CERS3: variants seen among roughly 807,000 people sequenced by gnomAD.
CERS3 encodes the protein ceramide synthase 3.
In CERS3, 33 loss-of-function variants were observed where a neutral mutation model predicts 50.3. The observed-to-expected ratio is 0.66, with a 90% CI of 0.50 to 0.88. CERS3 has a LOEUF of 0.88. CERS3 is among the 40% of genes least tolerant of loss of function. CERS3 has a pLI of 0.00. For synonymous variants in CERS3, 176 were observed against 155.2 expected (o/e 1.13, Z -0.99); for missense variants, 470 against 460.3 (o/e 1.02, Z -0.19).
intron 11 of CERS3, among the ~76,000 whole-genome samples, chr15:100,412,700 T>C (rs1436382035): frequency 6.6e-6 from 1 of 152,166 alleles, no homozygotes; most frequent in Non-Finnish European, 1.5e-5. Flanking sequence ...GACACAAAAG[T>C]TGCTTTTTAT....
At chr15:100,483,811 TGC>T in intron 5 of CERS3, among the ~76,000 whole-genome samples, 1 of 100,038 alleles carries the variant, frequency 1.0e-5, no homozygotes, top group African/African-American at 3.4e-5. Context: ...GACAGAGTCT[TGC>T]TCTGTCACCC....
chr15:100,527,404 C>T (rs559234329), intron 1 of CERS3, among the ~76,000 whole-genome samples: 1 of 152,136 alleles, frequency 6.6e-6, no homozygotes, highest in Admixed American at 6.5e-5. Context: ...CTGTCCACCA[C>T]ACCAAGCCTT....
At chr15:100,481,992 G>C (rs556921607) in intron 5 of CERS3, among the ~76,000 whole-genome samples, 1 of 152,308 alleles carries the variant, frequency 6.6e-6, no homozygotes, top group South Asian at 2.1e-4. Context: ...CGCTTGTGTA[G>C]TCTCCTGTTT....
chr15:100,435,902 T>G (rs1301264674), intron 11 of CERS3, among the ~76,000 whole-genome samples: 1 of 152,148 alleles, frequency 6.6e-6, no homozygotes, highest in Non-Finnish European at 1.5e-5. Context: ...ATGAGAGAAA[T>G]GCAAATCAAA....
At chr15:100,475,979 T>C (rs1411133798) in intron 8 of CERS3, 107 bp downstream of exon 8, 1 of 631,760 alleles carries the variant, frequency 1.6e-6, no homozygotes, top group Non-Finnish European at 2.6e-6. Context: ...AGCAATGAAC[T>C]GGACCCAAAA....
chr15:100,469,333 C>A, intron 10 of CERS3, 45 bp downstream of exon 10: 1 of 1,486,038 alleles, frequency 6.7e-7, no homozygotes. Context: ...CTGAGGCCAC[C>A]TCTGCACACT....
In CERS3 at chr15:100,505,825, T is replaced by C. The variant is rs560383529; in HGVS notation, c.-1-3975A>G. On this transcript the variant is annotated intron_variant, in intron 2 of 11. Transcript: ENST00000679737. ...GAATTCAAGACCAGCTTGGACAACA[T>C]AGTGAGATCCCATCTCTACAAAAAA... Among the ~76,000 whole-genome samples the C allele has an allele frequency of 2.1e-3, 316 of 152,260 alleles. 3 individuals carry two copies. Among genetic ancestry groups the C allele is most frequent in the African/African-American group, 7.1e-3 (293 of 41,548 alleles).
At chr15:100,403,406 G>A (rs189992185) in intron 11 of CERS3, among the ~76,000 whole-genome samples, 42 of 151,820 alleles carry the variant, frequency 2.8e-4, no homozygotes, top group African/African-American at 9.2e-4. Flanking sequence ...GAAATAATTA[G>A]GACAAAACAA....
intron 2 of CERS3, among the ~76,000 whole-genome samples, chr15:100,519,029 C>T (rs1308683973): frequency 3.3e-5 from 5 of 151,926 alleles, no homozygotes; most frequent in East Asian, 1.9e-4. Context: ...CGTGGTGGTG[C>T]GCATCTGTGA....
intron 3 of CERS3, among the ~76,000 whole-genome samples, chr15:100,499,579 A>G (rs2035936290): frequency 6.6e-6 from 1 of 152,262 alleles, no homozygotes; most frequent in Admixed American, 6.5e-5. Flanking sequence ...ATAATGAACC[A>G]GCCAAATCAC....
chr15:100,467,836 T>C lies in CERS3; in HGVS notation c.845+1542A>G, dbSNP rs1314090956. 1.8e-4 allele frequency among the ~76,000 whole-genome samples: 5 copies of C among 28,184 alleles called. 1 individual carries two copies. The highest frequency in any genetic ancestry group is 1.3e-3 in the South Asian group (1 of 760). 18.5% of individuals were successfully genotyped at this position (28,184 alleles called of 152,430 possible). ...CTATATATATGTGTATATATATACGTGTATATATATATATATAGATAGATA... is the reference window on the plus strand; with the variant it reads ...CTATATATATGTGTATATATATACGCGTATATATATATATATAGATAGATA... On this transcript the variant is annotated intron_variant, in intron 10 of 11. Coordinates refer to ENST00000679737, the MANE Select transcript of CERS3 (RefSeq NM_001378789.1).
intron 11 of CERS3, chr15:100,437,789 G>A (rs569173699): frequency 3.3e-5 from 5 of 152,194 alleles, no homozygotes; most frequent in East Asian, 1.9e-4. Context: ...TGAAGAAACC[G>A]AGGCAATGAA....
intron 11 of CERS3, among the ~76,000 whole-genome samples, chr15:100,427,236 C>T (rs1012486595): frequency 3.9e-5 from 6 of 152,034 alleles, no homozygotes; most frequent in African/African-American, 1.4e-4. Context: ...TCCTGCTGGA[C>T]AGCGCTGCAT....
chr15:100,525,461 C>A (rs1407618666), intron 1 of CERS3, among the ~76,000 whole-genome samples: 1 of 152,170 alleles, frequency 6.6e-6, no homozygotes, highest in Admixed American at 6.5e-5. Flanking sequence ...CAAGCCAAAT[C>A]TCCTTCTTAT....
At chr15:100,427,010 A>G (rs1413665002) in intron 11 of CERS3, among the ~76,000 whole-genome samples, 1 of 152,116 alleles carries the variant, frequency 6.6e-6, no homozygotes, top group Non-Finnish European at 1.5e-5. Context: ...TCCAAGCTAT[A>G]TCAGATCTCT....
intron 11 of CERS3, among the ~76,000 whole-genome samples, chr15:100,432,977 C>A (rs988290387): frequency 3.9e-5 from 6 of 152,236 alleles, no homozygotes; most frequent in African/African-American, 1.4e-4. Context: ...TGGCTCACAC[C>A]TGTAATCCCA....
chr15:100,542,567 T>A (rs972649819), intron 1 of CERS3, among the ~76,000 whole-genome samples: 2 of 152,154 alleles, frequency 1.3e-5, no homozygotes, highest in African/African-American at 4.8e-5. Context: ...AAAGTAAATA[T>A]AAAACATGGA....
Position 100,476,128 on chromosome 15 carries a change from A to G in CERS3, c.567T>C (p.Tyr189=), listed in dbSNP as rs2035119200. The change falls in exon 8 of 12, where the codon TAT becomes TAC. Residue 189 remains tyrosine (Y), a synonymous_variant. Coordinates refer to ENST00000679737, the MANE Select transcript of CERS3 (RefSeq NM_001378789.1). ...YWYYILEMSF[Y]WSLLFRLGFD... ...AGCCAAGTCTAAATAACAGAGACCA[A>G]TAAAAACTCATTTCTAAAATGTAGT... 19 of 1,583,324 alleles carry G rather than the reference A, an allele frequency of 1.2e-5. No individual in the cohort carries two copies. The highest frequency in any genetic ancestry group is 1.9e-5 in the Admixed American group (1 of 53,088).
In CERS3 at chr15:100,509,506, A is replaced by T. The variant is rs117456027; in HGVS notation, c.-1-7656T>A. The stretch of plus-strand genomic sequence containing the variant: ...AGAACAGAAGGTTTCTCTCAGACAG[A>T]CAGCAGGAACAAGAAATGGCAAGGT... On this transcript the variant is annotated intron_variant, in intron 2 of 11. Transcript: ENST00000679737. Among the ~76,000 whole-genome samples, 281 of 152,336 alleles carry T rather than the reference A, an allele frequency of 1.8e-3. 4 individuals carry two copies. The East Asian group carries it at 0.033, about 18-fold the overall frequency.
Sources: gnomAD v4.1 joint callset for allele counts (sites outside exome capture counted in the v4.1 genomes callset) on GRCh38, gnomAD v4.1.1 for gene constraint, MANE v1.5 for transcripts, NCBI Gene and HGNC (gene_info 2026-07-23, HGNC 2026-07-21) for gene names.